The following MND1 variants were observed in gnomAD, a reference collection of about 807,000 sequenced individuals.
The protein encoded by MND1 is meiotic nuclear divisions 1, also known as meiotic nuclear division protein 1 homolog.
Under a neutral mutation model 35.1 loss-of-function variants are expected in MND1, and 28 were observed. The observed-to-expected ratio is 0.80, with a 90% CI of 0.59 to 1.09. The LOEUF is 1.09. Among genes scored for constraint, MND1 ranks in the 50% least tolerant of loss-of-function variants. The pLI is 0.00. For synonymous variants in MND1, 69 were observed against 70.5 expected (o/e 0.98, Z 0.11); for missense variants, 213 against 239.6 (o/e 0.89, Z 0.73).
chr4:153,372,010 G>A (rs1265842156), intron 4 of MND1, among the ~76,000 whole-genome samples: 1 of 152,044 alleles, frequency 6.6e-6, no homozygotes, highest in Non-Finnish European at 1.5e-5. Flanking sequence ...GCCAAGGGAG[G>A]GTGAGAGATG....
At chr4:153,392,923 C>T (rs529979883) in intron 4 of MND1, among the ~76,000 whole-genome samples, 1 of 152,152 alleles carries the variant, frequency 6.6e-6, no homozygotes, top group Admixed American at 6.5e-5. Flanking sequence ...GATTCAAGAC[C>T]AGCCTGGGCA....
intron 4 of MND1, among the ~76,000 whole-genome samples, chr4:153,390,746 G>C (rs1728997960): frequency 1.3e-5 from 2 of 152,186 alleles, no homozygotes; most frequent in Non-Finnish European, 2.9e-5. Context: ...TACTTGGGAG[G>C]CTGAGGTGGG....
rs138442248 is a variant in MND1 at position 153,384,831 on chromosome 4, G to A, written c.277-9431G>A. On this transcript the variant is annotated intron_variant, in intron 4 of 7. Transcript: ENST00000240488. ...TTTATGTCCATTATTTAGGATTTCT[G>A]GACTACATTTCTTATTTCCAGGTTC... Among the ~76,000 whole-genome samples the A allele has an allele frequency of 1.2e-3, 179 of 152,092 alleles. 3 individuals carry two copies. In the East Asian group the frequency reaches 0.033, roughly 28 times the overall value.
At chr4:153,349,976 C>A (rs2149628181) in intron 1 of MND1, 88 bp from the exon 2 acceptor site, 1 of 870,316 alleles carries the variant, frequency 1.1e-6, no homozygotes. Flanking sequence ...TCAGATAAGA[C>A]CATGCATAAA....
At chr4:153,376,964 A>G (rs1366163516) in intron 4 of MND1, among the ~76,000 whole-genome samples, 2 of 152,230 alleles carry the variant, frequency 1.3e-5, no homozygotes, top group Non-Finnish European at 2.9e-5. Context: ...AAAACCTTAT[A>G]CTAATTTGGA....
intron 4 of MND1, among the ~76,000 whole-genome samples, chr4:153,369,966 CTT>C (rs1478117063): frequency 1.2e-4 from 18 of 152,132 alleles, no homozygotes; most frequent in African/African-American, 3.1e-4. Context: ...CAAGAAACCA[CTT>C]TCTTTGCTCA....
At chr4:153,386,590 C>T (rs529884709) in intron 4 of MND1, among the ~76,000 whole-genome samples, 1 of 152,172 alleles carries the variant, frequency 6.6e-6, no homozygotes, top group African/African-American at 2.4e-5. Flanking sequence ...GTGGCATACC[C>T]CTGTAATCCC....
At chr4:153,369,392 T>C (rs1773735484) in intron 4 of MND1, among the ~76,000 whole-genome samples, 1 of 152,140 alleles carries the variant, frequency 6.6e-6, no homozygotes, top group Non-Finnish European at 1.5e-5. Context: ...TGAGCATAAA[T>C]ACAGGCATAC....
intron 4 of MND1, among the ~76,000 whole-genome samples, chr4:153,379,849 C>CA (rs34034237): frequency 0.018 from 1,100 of 62,438 alleles, 30 homozygotes; most frequent in Non-Finnish European, 0.022. Flanking sequence ...GACTCCATCT[C>CA]AAAAAAAAAA....
At chr4:153,344,839 C>G in intron 1 of MND1, 99 bp downstream of exon 1, 1 of 1,520,334 alleles carries the variant, frequency 6.6e-7, no homozygotes, top group Non-Finnish European at 8.8e-7. Context: ...CGTTGACCGC[C>G]ATTCCGGGCC....
intron 1 of MND1, among the ~76,000 whole-genome samples, chr4:153,346,747 C>A (rs1292061595): frequency 6.6e-6 from 1 of 152,142 alleles, no homozygotes; most frequent in East Asian, 1.9e-4. Context: ...AAACTGGGTA[C>A]CCCAGGACGC....
intron 6 of MND1, among the ~76,000 whole-genome samples, chr4:153,398,610 G>C (rs1196868601): frequency 2.0e-5 from 3 of 152,194 alleles, no homozygotes; most frequent in Non-Finnish European, 4.4e-5. Flanking sequence ...TGATTACCCA[G>C]GGTGATTTTC....
At chr4:153,385,733 AAG>A (rs1554011813) in intron 4 of MND1, among the ~76,000 whole-genome samples, 5 of 151,012 alleles carry the variant, frequency 3.3e-5, no homozygotes, top group African/African-American at 7.3e-5. Flanking sequence ...AAAAAAAAAA[AAG>A]AAAAGAAAAT....
chr4:153,401,501 A>G (rs1729347320), intron 6 of MND1, among the ~76,000 whole-genome samples: 2 of 151,164 alleles, frequency 1.3e-5, no homozygotes, highest in Non-Finnish European at 2.9e-5. Context: ...ACTTTAGAGA[A>G]CTTCTTAAGA....
intron 4 of MND1, among the ~76,000 whole-genome samples, chr4:153,372,639 A>G (rs1773819489): frequency 6.6e-6 from 1 of 152,148 alleles, no homozygotes; most frequent in African/African-American, 2.4e-5. Context: ...TCCTATCCCC[A>G]GGAAACTTGC....
chr4:153,369,001 T>C (rs1408214188), intron 4 of MND1, among the ~76,000 whole-genome samples: 6 of 152,262 alleles, frequency 3.9e-5, no homozygotes, highest in Non-Finnish European at 8.8e-5. Context: ...CTCAAGGCCT[T>C]ATGTGAGGTA....
chr4:153,410,060 C>T (rs1425260362), intron 7 of MND1, among the ~76,000 whole-genome samples: 3 of 152,144 alleles, frequency 2.0e-5, no homozygotes, highest in African/African-American at 7.2e-5. Flanking sequence ...TGCTGTGTGA[C>T]CTCTTGACCC....
At chr4:153,383,564 G>C (rs942018226) in intron 4 of MND1, among the ~76,000 whole-genome samples, 2 of 152,118 alleles carry the variant, frequency 1.3e-5, no homozygotes, top group African/African-American at 2.4e-5. Context: ...GCCTTGGTTG[G>C]GATAAGGGAC....
chr4:153,406,249 C>T lies in MND1; in HGVS notation c.467-2722C>T, dbSNP rs181849562. On this transcript the variant is annotated intron_variant, in intron 6 of 7. Coordinates refer to ENST00000240488, the MANE Select transcript of MND1 (RefSeq NM_032117.4). ...CAAGAAAGTAAAAAGAGGCTGGGCG[C>T]GGTGTCTCATGCCTGTGATCCCAGC... 1.5e-3 allele frequency among the ~76,000 whole-genome samples: 234 copies of T among 151,684 alleles called. 1 individual carries two copies. The highest frequency in any genetic ancestry group is 5.4e-3 in the African/African-American group (225 of 41,406).
Sources: allele counts gnomAD v4.1 joint callset (sites outside exome capture counted in the v4.1 genomes callset), GRCh38; gene constraint gnomAD v4.1.1; transcripts MANE v1.5; gene names NCBI Gene and HGNC (gene_info 2026-07-23, HGNC 2026-07-21).